The following NAA60 variants were observed in gnomAD, a reference collection of about 807,000 sequenced individuals.
The protein encoded by NAA60 is N-alpha-acetyltransferase 60, NatF catalytic subunit.
In NAA60, 8 loss-of-function variants were observed where a neutral mutation model predicts 26.1. That is an observed-to-expected ratio of 0.31 (90% CI 0.18 to 0.55). The LOEUF (loss-of-function observed/expected upper bound fraction) is 0.55, where lower values mean the gene tolerates loss of function less well. Among genes scored for constraint, NAA60 ranks in the 20% least tolerant of loss-of-function variants. The pLI is 0.93. For missense variants in NAA60, 290 were observed against 311.3 expected (o/e 0.93, Z 0.51); for synonymous variants, 131 against 122.5 (o/e 1.07, Z -0.46).
Position 3,485,564 on chromosome 16 carries a change from C to G in NAA60, c.*304C>G. On this transcript the variant is annotated 3_prime_UTR_variant, in exon 8 of 8. Transcript: ENST00000407558. ...CGTCCCCAGGGCTGACCCAGTGTGG[C>G]TGCATTCACTGGGAGGGGCCTGCCC... 2.2e-6 allele frequency: 1 copy of G among 453,930 alleles called. No individual in the cohort carries two copies. The allele number at this position is 453,930 out of a possible 1,614,324, so 28.1% of individuals were successfully genotyped here.
intron 1 of NAA60, among the ~76,000 whole-genome samples, chr16:3,445,553 G>T (rs1243907097): frequency 6.6e-6 from 1 of 151,860 alleles, no homozygotes; most frequent in Admixed American, 6.6e-5. Flanking sequence ...GGGATTACAA[G>T]CGTGAGCCAC....
chr16:3,455,114 C>T (rs149902860), intron 2 of NAA60, among the ~76,000 whole-genome samples: 56 of 152,240 alleles, frequency 3.7e-4, no homozygotes, highest in African/African-American at 1.3e-3. Context: ...TGCAATGGTG[C>T]GATCTCGGCT....
At chr16:3,460,269 A>G (rs1473142959) in intron 2 of NAA60, among the ~76,000 whole-genome samples, 4 of 152,188 alleles carry the variant, frequency 2.6e-5, no homozygotes, top group Non-Finnish European at 5.9e-5. Flanking sequence ...CAGCTCCTCC[A>G]CATCTGCGTC....
At chr16:3,472,369 C>G (rs2036206891) in intron 2 of NAA60, 1 of 152,204 alleles carries the variant, frequency 6.6e-6, no homozygotes, top group African/African-American at 2.4e-5. Context: ...CCCAGTCTCT[C>G]CGGAATGAGA....
intron 2 of NAA60, among the ~76,000 whole-genome samples, chr16:3,474,496 T>G (rs2036348973): frequency 6.6e-6 from 1 of 152,196 alleles, no homozygotes; most frequent in Non-Finnish European, 1.5e-5. Flanking sequence ...AGATTCAGCG[T>G]CTAAATTCCT....
rs533312131 is a variant in NAA60, at chr16:3,477,472, A to C, written c.110+1135A>C. On this transcript the variant is annotated intron_variant, in intron 3 of 7. Transcript: ENST00000407558. ...GTGGAAGCGGGAACTGTCACAGTCC[A>C]GGTGATGTGGGCTGGCGGTGGCAAC... is the stretch of plus-strand genomic sequence containing the variant. 1.2e-4 allele frequency among the ~76,000 whole-genome samples: 19 copies of C among 152,314 alleles called. 2 individuals are homozygous for C. The South Asian group carries it at 3.9e-3, about 32-fold the overall frequency.
At chr16:3,473,307 C>T (rs2036268686) in intron 2 of NAA60, among the ~76,000 whole-genome samples, 1 of 152,140 alleles carries the variant, frequency 6.6e-6, no homozygotes, top group Non-Finnish European at 1.5e-5. Flanking sequence ...TTAATGGACT[C>T]ACGGTTGTAC....
At chr16:3,455,872 A>G (rs1339253726) in intron 2 of NAA60, among the ~76,000 whole-genome samples, 1 of 150,212 alleles carries the variant, frequency 6.7e-6, no homozygotes, top group African/African-American at 2.5e-5. Flanking sequence ...ATGCCCAGCT[A>G]ATTTTTGTAT....
intron 2 of NAA60, among the ~76,000 whole-genome samples, chr16:3,466,412 T>G (rs891315002): frequency 1.3e-5 from 2 of 152,210 alleles, no homozygotes; most frequent in African/African-American, 4.8e-5. Flanking sequence ...GATGGCTTGC[T>G]CTCACGTGGG....
chr16:3,461,526 A>G (rs1691193099), intron 2 of NAA60, among the ~76,000 whole-genome samples: 3 of 152,210 alleles, frequency 2.0e-5, no homozygotes, highest in South Asian at 2.1e-4. Context: ...AGAACTGGCT[A>G]TGAGTGCGAC....
intron 2 of NAA60, among the ~76,000 whole-genome samples, chr16:3,467,077 A>C (rs1238170272): frequency 1.3e-5 from 2 of 152,054 alleles, no homozygotes; most frequent in Non-Finnish European, 2.9e-5. Flanking sequence ...AATGTCAGAC[A>C]GTGGGTGCTT....
At chr16:3,475,571 ACTTT>A (rs1204676599) in intron 2 of NAA60, among the ~76,000 whole-genome samples, 1 of 151,962 alleles carries the variant, frequency 6.6e-6, no homozygotes, top group Non-Finnish European at 1.5e-5. Context: ...GATTGGATGC[ACTTT>A]CCTGATTTAA....
intron 2 of NAA60, among the ~76,000 whole-genome samples, chr16:3,468,749 C>T (rs555184568): frequency 4.6e-5 from 7 of 152,150 alleles, no homozygotes; most frequent in African/African-American, 1.4e-4. Flanking sequence ...ACCCCAGGCT[C>T]GAGCCTTTGA....
At position 3,482,382 on chromosome 16, in the gene NAA60, C is replaced by T. The variant is rs78954034; in HGVS notation, c.241-120C>T. 3,891 of 784,488 alleles carry T rather than the reference C, an allele frequency of 5.0e-3. 204 individuals are homozygous for T. In the East Asian group the frequency reaches 0.097, roughly 20 times the overall value. 48.6% of individuals were successfully genotyped at this position (784,488 alleles called of 1,614,324 possible). A position where few individuals can be genotyped will look rare whatever the true frequency, so the allele number is the denominator to read the frequency against. The stretch of plus-strand genomic sequence containing the variant: ...TCCAGTACCTCTTGATTCTGCCCCT[C>T]CCAGTCGGTGTCCCTCTGGCTGTCG... On this transcript the variant is annotated intron_variant, in intron 4 of 7. Transcript: ENST00000407558.
chr16:3,465,471 A>G (rs1567377694), intron 2 of NAA60, among the ~76,000 whole-genome samples: 1 of 151,968 alleles, frequency 6.6e-6, no homozygotes, highest in Non-Finnish European at 1.5e-5. Context: ...TGGGGCCACA[A>G]AAGGTGAGTC....
At chr16:3,458,519 C>T (rs2035148633) in intron 2 of NAA60, among the ~76,000 whole-genome samples, 1 of 152,166 alleles carries the variant, frequency 6.6e-6, no homozygotes, top group African/African-American at 2.4e-5. Context: ...GAGGGTGGTC[C>T]TCATGGGTAC....
At chr16:3,481,213 CCT>C (rs2036808846) in intron 4 of NAA60, among the ~76,000 whole-genome samples, 1 of 152,096 alleles carries the variant, frequency 6.6e-6, no homozygotes, top group Non-Finnish European at 1.5e-5. Flanking sequence ...GCAACCTCCG[CCT>C]CTCAAGTAGG....
chr16:3,447,366 A>G (rs2034598164), intron 1 of NAA60: 8 of 544,100 alleles, frequency 1.5e-5, no homozygotes, highest in Non-Finnish European at 1.9e-5. Flanking sequence ...AAATATTTTG[A>G]TGCAGGCATG....
At chr16:3,462,280 T>C (rs2035461502) in intron 2 of NAA60, among the ~76,000 whole-genome samples, 1 of 152,114 alleles carries the variant, frequency 6.6e-6, no homozygotes, top group Non-Finnish European at 1.5e-5. Flanking sequence ...TTTTATAAAA[T>C]AGTAGTTGGG....
Sources: gnomAD v4.1 joint callset for allele counts (sites outside exome capture counted in the v4.1 genomes callset) on GRCh38, gnomAD v4.1.1 for gene constraint, MANE v1.5 for transcripts, NCBI Gene and HGNC (gene_info 2026-07-23, HGNC 2026-07-21) for gene names.